KIF26B: variants seen among roughly 807,000 people sequenced by gnomAD.
KIF26B encodes kinesin family member 26B, also known as kinesin-like protein KIF26B.
A neutral mutation model predicts 151.2 loss-of-function variants in KIF26B; 63 were observed. That is an observed-to-expected ratio of 0.42 (90% CI 0.34 to 0.51). The LOEUF (loss-of-function observed/expected upper bound fraction) is 0.51. KIF26B is among the 20% of genes least tolerant of loss of function. KIF26B has a pLI of 0.07. For missense variants in KIF26B, 2,813 were observed against 2,913.6 expected (o/e 0.97, Z 0.79); for synonymous variants, 1,357 against 1,262.1 (o/e 1.08, Z -1.59).
At chr1:245,612,105 T>TGTGTGTGTGTGA (rs764505406) in intron 9 of KIF26B, 129 bp downstream of exon 9, 2 of 312,670 alleles carry the variant, frequency 6.4e-6, no homozygotes, top group African/African-American at 3.4e-5. Flanking sequence ...TGTGTGTGTG[T>TGTGTGTGTGTGA]GAGAGAGAGA....
intron 12 of KIF26B, among the ~76,000 whole-genome samples, chr1:245,694,619 C>T (rs539983210): frequency 6.6e-6 from 1 of 152,290 alleles, no homozygotes; most frequent in South Asian, 2.1e-4. Context: ...CGTGGGCTGT[C>T]AGCACCGCAG....
intron 9 of KIF26B, among the ~76,000 whole-genome samples, chr1:245,643,871 T>G (rs1427716236): frequency 6.6e-6 from 1 of 152,244 alleles, no homozygotes; most frequent in Non-Finnish European, 1.5e-5. Flanking sequence ...CATCCTTATC[T>G]TTGTTCCTTT....
intron 9 of KIF26B, among the ~76,000 whole-genome samples, chr1:245,625,710 C>T (rs1045185229): frequency 2.6e-5 from 4 of 152,102 alleles, no homozygotes; most frequent in Admixed American, 6.6e-5. Context: ...TCAAACACTA[C>T]GGCTTCCTCC....
At chr1:245,528,955 A>G (rs1161314008) in intron 4 of KIF26B, among the ~76,000 whole-genome samples, 1 of 152,184 alleles carries the variant, frequency 6.6e-6, no homozygotes, top group Non-Finnish European at 1.5e-5. Context: ...GTGCAATGAG[A>G]CAATCGATAT....
At chr1:245,472,102 T>C (rs1457217492) in intron 4 of KIF26B, among the ~76,000 whole-genome samples, 1 of 152,180 alleles carries the variant, frequency 6.6e-6, no homozygotes, top group Non-Finnish European at 1.5e-5. Flanking sequence ...AGATCTTACA[T>C]TCTGATAGAG....
In KIF26B at chr1:245,156,638, G is replaced by A; in HGVS notation, c.420G>A (p.Lys140=). ...ENCNARLVEL[K]RQALRLLLPG... The stretch of plus-strand genomic sequence containing the variant: ...GCAACGCCCGCCTGGTGGAGCTCAA[G>A]AGGCAGGCCCTGAGGTTGCTCCTCC... The change falls in exon 2 of 15, where the codon AAG becomes AAA. Residue 140 remains lysine (K), a synonymous_variant. Transcript: ENST00000407071. 3 of 1,522,702 alleles carry A rather than the reference G, an allele frequency of 2.0e-6. No individual in the cohort carries two copies. The highest frequency in any genetic ancestry group is 1.2e-5 in the South Asian group (1 of 83,204). The allele number at this position is 1,522,702 out of a possible 1,614,324, so 94.3% of individuals were successfully genotyped here.
intron 4 of KIF26B, among the ~76,000 whole-genome samples, chr1:245,442,614 G>A (rs1659133643): frequency 6.6e-6 from 1 of 151,800 alleles, no homozygotes; most frequent in African/African-American, 2.4e-5. Context: ...GGAACTCTGG[G>A]GGTTTGTCCT....
chr1:245,566,052 G>T (rs1277381258), intron 5 of KIF26B, among the ~76,000 whole-genome samples: 1 of 152,222 alleles, frequency 6.6e-6, no homozygotes, highest in Non-Finnish European at 1.5e-5. Flanking sequence ...GATCACCAAA[G>T]GATGGTGCTA....
At position 245,367,514 on chromosome 1, in the gene KIF26B, A is replaced by C; in HGVS notation, c.999+147A>C. ...TGTGGCCCCCACAGAGTTCTCATCA[A>C]GGTGCCCCACCCGGGCCTGCCTGCT... is the stretch of plus-strand genomic sequence containing the variant. On this transcript the variant is annotated intron_variant, in intron 3 of 14. Coordinates refer to ENST00000407071, the MANE Select transcript of KIF26B (RefSeq NM_018012.4). The surrounding 1 kb of genome is among the most constrained non-coding windows in gnomAD (Gnocchi z 4.2). The C allele has an allele frequency of 1.2e-6, 1 of 812,578 alleles. No individual in the cohort carries two copies. Among genetic ancestry groups the C allele is most frequent in the South Asian group, 1.8e-5 (1 of 54,540 alleles). The allele number at this position is 812,578 out of a possible 1,614,324, so 50.3% of individuals were successfully genotyped here.
intron 5 of KIF26B, among the ~76,000 whole-genome samples, chr1:245,598,258 T>C (rs1364313348): frequency 6.6e-6 from 1 of 152,130 alleles, no homozygotes; most frequent in Non-Finnish European, 1.5e-5. Flanking sequence ...TCATTGTGGG[T>C]ATCCACAAAG....
chr1:245,484,707 CTTCTTCT>C (rs1292587191), intron 4 of KIF26B, among the ~76,000 whole-genome samples: 1 of 16,974 alleles, frequency 5.9e-5, no homozygotes, highest in African/African-American at 1.1e-4. Context: ...TCTCCTTCTC[CTTCTTCT>C]TTCTTCTTTC....
intron 5 of KIF26B, among the ~76,000 whole-genome samples, chr1:245,585,025 G>A (rs2043210594): frequency 6.6e-6 from 1 of 152,158 alleles, no homozygotes; most frequent in Non-Finnish European, 1.5e-5. Flanking sequence ...TAGATTTTGA[G>A]GGAAAGATTC....
chr1:245,162,605 C>G (rs144352681), intron 2 of KIF26B, among the ~76,000 whole-genome samples: 1 of 152,230 alleles, frequency 6.6e-6, no homozygotes, highest in East Asian at 1.9e-4. Flanking sequence ...AGGCTAGTCT[C>G]TATCTCTTGA....
intron 2 of KIF26B, among the ~76,000 whole-genome samples, chr1:245,359,622 A>G (rs745525339): frequency 5.3e-5 from 8 of 150,708 alleles, no homozygotes; most frequent in Non-Finnish European, 8.8e-5. Flanking sequence ...GGAACCCAGT[A>G]TTATTTTGAT....
intron 3 of KIF26B, among the ~76,000 whole-genome samples, chr1:245,405,970 T>G (rs776046706): frequency 2.0e-5 from 3 of 152,184 alleles, no homozygotes; most frequent in Non-Finnish European, 4.4e-5. Context: ...TTTTCCCAGT[T>G]TGGTAGGGAA....
intron 2 of KIF26B, among the ~76,000 whole-genome samples, chr1:245,215,321 C>T (rs1002234117): frequency 3.3e-5 from 5 of 152,146 alleles, no homozygotes; most frequent in African/African-American, 1.2e-4. Flanking sequence ...TCCAGGTAAC[C>T]TCCCTTCACC....
intron 4 of KIF26B, among the ~76,000 whole-genome samples, chr1:245,505,644 C>T (rs1425585035): frequency 6.6e-6 from 1 of 151,936 alleles, no homozygotes; most frequent in Non-Finnish European, 1.5e-5. Flanking sequence ...CTCAGCCTCC[C>T]AAAGTTCTGG....
intron 9 of KIF26B, among the ~76,000 whole-genome samples, chr1:245,616,811 T>C (rs2043596161): frequency 6.6e-6 from 1 of 152,226 alleles, no homozygotes; most frequent in African/African-American, 2.4e-5. Context: ...GGTAATGCGC[T>C]AATGATACGG....
intron 4 of KIF26B, among the ~76,000 whole-genome samples, chr1:245,454,447 A>T (rs955251796): frequency 6.6e-6 from 1 of 152,142 alleles, no homozygotes; most frequent in Non-Finnish European, 1.5e-5. Context: ...ACATCTTGAT[A>T]TGTGAATGGG....
Sources: gnomAD v4.1 joint callset for allele counts (sites outside exome capture counted in the v4.1 genomes callset) on GRCh38, gnomAD v4.1.1 for gene constraint, Gnocchi (gnomAD v3.1) non-coding constraint, MANE v1.5 for transcripts, NCBI Gene and HGNC (gene_info 2026-07-23, HGNC 2026-07-21) for gene names.